Variants in DPP6 observed in about 807,000 individuals in gnomAD.
DPP6 encodes the protein dipeptidyl peptidase like 6.
DPP6 carries 69 observed loss-of-function variants against 122.6 expected under a neutral mutation model. The ratio of observed to expected loss-of-function variants is 0.56; its 90% CI spans 0.46 to 0.69. The LOEUF is 0.69. Among genes scored for constraint, DPP6 ranks in the 30% least tolerant of loss-of-function variants. The probability of loss-of-function intolerance (pLI) is 0.00; values close to 1 mark genes in which losing one functional copy is unlikely to be tolerated. For missense variants in DPP6, 928 were observed against 1,116.9 expected (o/e 0.83, Z 2.41); for synonymous variants, 418 against 433.1 (o/e 0.97, Z 0.43).
chr7:154,420,013 T>C (rs1177160499), intron 1 of DPP6, among the ~76,000 whole-genome samples: 1 of 152,126 alleles, frequency 6.6e-6, no homozygotes, highest in Non-Finnish European at 1.5e-5. Flanking sequence ...ATGTGTTATG[T>C]ACATACAATG....
chr7:154,762,407 T>C (rs1170453686), intron 8 of DPP6, among the ~76,000 whole-genome samples: 4 of 152,216 alleles, frequency 2.6e-5, no homozygotes, highest in Non-Finnish European at 4.4e-5. Flanking sequence ...AGTGACTTCA[T>C]AGAGAAAGGG....
intron 5 of DPP6, among the ~76,000 whole-genome samples, chr7:154,623,414 T>C (rs1305711117): frequency 1.3e-5 from 2 of 152,204 alleles, no homozygotes; most frequent in Non-Finnish European, 2.9e-5. Context: ...CGGTGCCTTT[T>C]GCTGCGTCGG....
chr7:153,872,285 T>C, the DPP6 span, among the ~76,000 whole-genome samples: 1 of 152,188 alleles, frequency 6.6e-6, no homozygotes, highest in South Asian at 2.1e-4. Context: ...TCCAGGTACC[T>C]CACAGGTGCA....
chr7:153,959,699 T>TG (rs1795248489), intron 1 of DPP6, among the ~76,000 whole-genome samples: 1 of 152,256 alleles, frequency 6.6e-6, no homozygotes, highest in Non-Finnish European at 1.5e-5. Context: ...TAAGGGAATG[T>TG]GGTGGCTGGT....
At chr7:154,500,121 C>G (rs1035821560) in intron 3 of DPP6, among the ~76,000 whole-genome samples, 1 of 152,130 alleles carries the variant, frequency 6.6e-6, no homozygotes, top group African/African-American at 2.4e-5. Flanking sequence ...ACACTACATT[C>G]TAGACTTTCA....
At chr7:154,587,954 C>A in intron 5 of DPP6, 1 of 1,612,936 alleles carries the variant, frequency 6.2e-7, no homozygotes, top group Non-Finnish European at 8.5e-7. Flanking sequence ...CGCAGCCATG[C>A]ACCTGCAGCC....
intron 1 of DPP6, among the ~76,000 whole-genome samples, chr7:154,310,721 A>C (rs1585896751): frequency 1.3e-5 from 2 of 152,190 alleles, no homozygotes; most frequent in Admixed American, 6.5e-5. Context: ...GAAACATCTT[A>C]GCTCCAGCGT....
At chr7:154,235,109 C>A (rs1200620027) in intron 1 of DPP6, among the ~76,000 whole-genome samples, 1 of 152,224 alleles carries the variant, frequency 6.6e-6, no homozygotes, top group African/African-American at 2.4e-5. Flanking sequence ...ATTGTGTAAT[C>A]ATCACCACAA....
chr7:153,776,248 A>T, the DPP6 span, among the ~76,000 whole-genome samples: 1 of 152,076 alleles, frequency 6.6e-6, no homozygotes, highest in Non-Finnish European at 1.5e-5. Flanking sequence ...CCCAAATCTC[A>T]TCTTGAATTG....
the DPP6 span, among the ~76,000 whole-genome samples, chr7:153,806,206 G>T: frequency 6.6e-6 from 1 of 151,584 alleles, no homozygotes; most frequent in Non-Finnish European, 1.5e-5. Context: ...CCAGAGTCCT[G>T]CCCTGACACC....
At chr7:154,686,492 A>C (rs537062047) in intron 7 of DPP6, among the ~76,000 whole-genome samples, 6 of 151,316 alleles carry the variant, frequency 4.0e-5, no homozygotes, top group East Asian at 1.9e-4. Flanking sequence ...CGACACCCTT[A>C]TCTCTCCCCA....
intron 1 of DPP6, among the ~76,000 whole-genome samples, chr7:154,089,622 CGACT>C (rs112101432): frequency 0.21 from 27,502 of 128,388 alleles, 3,565 homozygotes; most frequent in African/African-American, 0.35. Flanking sequence ...TCCACACACA[CGACT>C]GACTGACAAC....
intron 4 of DPP6, among the ~76,000 whole-genome samples, chr7:154,547,869 T>G (rs1213093231): frequency 6.6e-6 from 1 of 152,228 alleles, no homozygotes; most frequent in Admixed American, 6.5e-5. Flanking sequence ...TATATTTTAC[T>G]TACTTTTATT....
chr7:154,208,585 T>C (rs1434375025), intron 1 of DPP6, among the ~76,000 whole-genome samples: 1 of 152,220 alleles, frequency 6.6e-6, no homozygotes, highest in Admixed American at 6.5e-5. Flanking sequence ...ACTTAAAAGC[T>C]TGAATCCCCA....
chr7:153,749,071 T>C, the DPP6 span, among the ~76,000 whole-genome samples: 13 of 152,042 alleles, frequency 8.6e-5, no homozygotes, highest in Admixed American at 3.3e-4. This position sits in a 1 kb window ranked among gnomAD's most constrained non-coding sequence, Gnocchi z 4.1. Flanking sequence ...AGGCTACAGT[T>C]GGCCGGAGAG....
rs1008320746 is a variant in DPP6, at chr7:154,845,379, C to T, written c.1667-8401C>T. Among the ~76,000 whole-genome samples, 86 of 152,092 alleles carry T rather than the reference C, an allele frequency of 5.7e-4. 3 individuals are homozygous for T. The highest frequency in any genetic ancestry group is 3.9e-4 in the East Asian group (2 of 5,190). ...CTTCAATCACAAATTAGAAAGCACA[C>T]GGGAGAAATACCTGCAGCAACGTGG... is the stretch of plus-strand genomic sequence containing the variant. On this transcript the variant is annotated intron_variant, in intron 16 of 25. Coordinates refer to ENST00000377770, the MANE Select transcript of DPP6 (RefSeq NM_130797.4).
the DPP6 span, among the ~76,000 whole-genome samples, chr7:153,794,867 G>A: frequency 9.2e-5 from 14 of 152,086 alleles, no homozygotes. Flanking sequence ...GGGTTTCCAC[G>A]TTTGCTTTTT....
chr7:154,369,525 C>T (rs1330317617), intron 1 of DPP6, among the ~76,000 whole-genome samples: 3 of 152,112 alleles, frequency 2.0e-5, no homozygotes, highest in Admixed American at 6.5e-5. Context: ...CCCACCACCA[C>T]GCCCGGCTAA....
intron 8 of DPP6, among the ~76,000 whole-genome samples, chr7:154,750,379 G>A (rs951264060): frequency 1.3e-5 from 2 of 152,232 alleles, no homozygotes; most frequent in African/African-American, 2.4e-5. Flanking sequence ...GCCTGTGCCG[G>A]AGCAGGCCGC....
Sources: allele counts gnomAD v4.1 joint callset (sites outside exome capture counted in the v4.1 genomes callset), GRCh38; gene constraint gnomAD v4.1.1; non-coding constraint Gnocchi (gnomAD v3.1); transcripts MANE v1.5; gene names NCBI Gene and HGNC (gene_info 2026-07-23, HGNC 2026-07-21).